The following SYNJ2 variants were observed in gnomAD, a reference collection of about 807,000 sequenced individuals.
The protein encoded by SYNJ2 is polyphosphatidylinositol phosphatase SYNJ2.
Under a neutral mutation model 141.3 loss-of-function variants are expected in SYNJ2, and 116 were observed. That is an observed-to-expected ratio of 0.82 (90% confidence interval 0.71 to 0.96). The LOEUF (loss-of-function observed/expected upper bound fraction) is 0.96, where lower values mean the gene tolerates loss of function less well. SYNJ2 is among the 40% of genes least tolerant of loss of function. SYNJ2 has a pLI of 0.00. For missense variants in SYNJ2, 1,873 were observed against 1,934.8 expected (o/e 0.97, Z 0.60); for synonymous variants, 745 against 777.7 (o/e 0.96, Z 0.70).
intron 2 of SYNJ2, 36 bp downstream of exon 2, chr6:158,017,326 C>G (rs757071067): frequency 2.5e-6 from 4 of 1,589,036 alleles, no homozygotes; most frequent in Non-Finnish European, 3.4e-6. Context: ...AGGCGCCAGG[C>G]TCCCCGGTGG....
chr6:158,032,179 C>T (rs9347904), intron 3 of SYNJ2, among the ~76,000 whole-genome samples: 53,406 of 151,506 alleles, frequency 0.35, 9,581 homozygotes, highest in Middle Eastern at 0.48. Context: ...GGGTCAGACG[C>T]GGGCTGTGCT....
chr6:158,039,623 C>A (rs938614939), intron 4 of SYNJ2, among the ~76,000 whole-genome samples: 1 of 152,214 alleles, frequency 6.6e-6, no homozygotes, highest in Non-Finnish European at 1.5e-5. Flanking sequence ...CAGGAGCAGA[C>A]TGTCTGGCGC....
At chr6:158,046,450 G>A (rs189871931) in intron 5 of SYNJ2, among the ~76,000 whole-genome samples, 2 of 152,296 alleles carry the variant, frequency 1.3e-5, no homozygotes, top group East Asian at 3.9e-4. Context: ...TCACTATCAA[G>A]CCTAAGGCTG....
At chr6:158,067,626 G>A in intron 12 of SYNJ2, 3 of 985,396 alleles carry the variant, frequency 3.0e-6, no homozygotes, top group Non-Finnish European at 3.6e-6. Context: ...TTGCCTGTTG[G>A]TGAGTGACCT....
At chr6:158,006,232 C>T (rs1386920492) in intron 1 of SYNJ2, among the ~76,000 whole-genome samples, 2 of 152,176 alleles carry the variant, frequency 1.3e-5, no homozygotes, top group Non-Finnish European at 2.9e-5. Flanking sequence ...CACACGTATG[C>T]ACACACGCAC....
intron 1 of SYNJ2, among the ~76,000 whole-genome samples, chr6:157,997,999 G>A (rs943119976): frequency 2.0e-5 from 3 of 152,348 alleles, no homozygotes; most frequent in African/African-American, 7.2e-5. Flanking sequence ...TGTTGGTGTG[G>A]TTGATCAGTG....
chr6:158,088,205 C>T (rs1194087151), intron 23 of SYNJ2, among the ~76,000 whole-genome samples: 6 of 151,300 alleles, frequency 4.0e-5, no homozygotes, highest in Admixed American at 6.6e-5. Context: ...GGACTGCAGG[C>T]GCATACCATC....
At chr6:157,992,454 C>T (rs989076708) in intron 1 of SYNJ2, among the ~76,000 whole-genome samples, 2 of 134,392 alleles carry the variant, frequency 1.5e-5, no homozygotes, top group Admixed American at 1.8e-4. Flanking sequence ...CTTGCTCTGT[C>T]ACACAGGCTA....
intron 13 of SYNJ2, among the ~76,000 whole-genome samples, chr6:158,069,151 G>T (rs1389337010): frequency 6.6e-6 from 1 of 152,072 alleles, no homozygotes; most frequent in Non-Finnish European, 1.5e-5. Flanking sequence ...GCACACCAGG[G>T]CAAAGGAAAA....
At chr6:158,022,557 G>T (rs150039795) in intron 2 of SYNJ2, among the ~76,000 whole-genome samples, 137 of 152,338 alleles carry the variant, frequency 9.0e-4, no homozygotes, top group African/African-American at 3.2e-3. Flanking sequence ...TACCTGGAGG[G>T]GACATTGAGA....
chr6:157,989,465 T>TATATATATATAC, intron 1 of SYNJ2, among the ~76,000 whole-genome samples: 1 of 114,354 alleles, frequency 8.7e-6, no homozygotes, highest in Admixed American at 9.2e-5. Flanking sequence ...TATATATATA[T>TATATATATATAC]ATGGAAAAAG....
In SYNJ2 at chr6:158,060,121, G is replaced by T. The variant is rs555586286; in HGVS notation, c.954+768G>T. On this transcript the variant is annotated intron_variant, in intron 7 of 26. Coordinates refer to ENST00000355585, the MANE Select transcript of SYNJ2 (RefSeq NM_003898.4). Reference sequence around the variant, plus strand: ...GCAGGAACTTCGGTGGCTTTCCCCTGCTTGCCGGCTGGCCTTCAAATTTCC... The same window carrying T: ...GCAGGAACTTCGGTGGCTTTCCCCTTCTTGCCGGCTGGCCTTCAAATTTCC... 6.6e-5 allele frequency among the ~76,000 whole-genome samples: 10 copies of T among 152,304 alleles called. No individual in the cohort carries two copies. In the South Asian group the frequency reaches 2.1e-3, roughly 32 times the overall value.
chr6:158,081,160 T>C lies in SYNJ2; in HGVS notation c.2619T>C (p.Ala873=). 1 of 1,613,994 alleles carries C rather than the reference T, an allele frequency of 6.2e-7. No individual in the cohort carries two copies. Residue 873 remains alanine, a synonymous_variant, in exon 19 of 27, where the codon GCT becomes GCC. Coordinates refer to ENST00000355585, the MANE Select transcript of SYNJ2 (RefSeq NM_003898.4). ...EVEVQEVDVG[A]RERVFQEVSS... ...AAGTTCAGGAAGTCGATGTGGGTGC[T>C]CGGGAGAGGGTTTTCCAGGAAGTGT...
intron 1 of SYNJ2, among the ~76,000 whole-genome samples, chr6:158,007,672 C>T (rs985573051): frequency 1.3e-5 from 2 of 152,042 alleles, no homozygotes; most frequent in African/African-American, 2.4e-5. Context: ...GACGGAGTTT[C>T]GCTCTTGTCA....
chr6:158,005,448 C>G (rs1477084491), intron 1 of SYNJ2, among the ~76,000 whole-genome samples: 6 of 152,150 alleles, frequency 3.9e-5, no homozygotes, highest in African/African-American at 1.4e-4. Context: ...CCTCGTCTGT[C>G]TCACACCTTC....
chr6:158,085,269 C>T (rs35261449), intron 22 of SYNJ2, among the ~76,000 whole-genome samples: 3,281 of 152,258 alleles, frequency 0.022, 57 homozygotes, highest in South Asian at 0.051. Context: ...GACCCTCCTA[C>T]CTGGGCCTTC....
At chr6:158,073,212 T>C (rs1782050443) in intron 15 of SYNJ2, among the ~76,000 whole-genome samples, 1 of 152,156 alleles carries the variant, frequency 6.6e-6, no homozygotes, top group Non-Finnish European at 1.5e-5. Flanking sequence ...TTTGTTTTTG[T>C]TTTTTGAGAC....
At chr6:158,046,676 A>G (rs144281096) in intron 5 of SYNJ2, among the ~76,000 whole-genome samples, 246 of 152,302 alleles carry the variant, frequency 1.6e-3, no homozygotes, top group Middle Eastern at 3.4e-3. Context: ...TTTCCTGGGT[A>G]ATGGTACCTT....
chr6:157,981,410 C>A (rs1048671917), upstream of SYNJ2, among the ~76,000 whole-genome samples: 1 of 152,234 alleles, frequency 6.6e-6, no homozygotes, highest in South Asian at 2.1e-4. This position sits in a 1 kb window ranked among gnomAD's most constrained non-coding sequence, Gnocchi z 6.4. Flanking sequence ...GCAGTTATGA[C>A]CCCGCTTCCC....
Sources: gnomAD v4.1 joint callset for allele counts (sites outside exome capture counted in the v4.1 genomes callset) on GRCh38, gnomAD v4.1.1 for gene constraint, Gnocchi (gnomAD v3.1) non-coding constraint, MANE v1.5 for transcripts, NCBI Gene and HGNC (gene_info 2026-07-23, HGNC 2026-07-21) for gene names.